Variants in SLC39A8 observed in about 807,000 individuals in gnomAD.
SLC39A8 encodes metal cation symporter ZIP8.
In SLC39A8, 15 loss-of-function variants were observed where a neutral mutation model predicts 40.4. That is an observed-to-expected ratio of 0.37 (90% CI 0.25 to 0.57). The LOEUF (loss-of-function observed/expected upper bound fraction) is 0.57. Ranked by LOEUF, SLC39A8 falls within the 20% of genes least tolerant of loss-of-function variation. The pLI is 0.75. For missense variants in SLC39A8, 472 were observed against 558.8 expected (o/e 0.84, Z 1.57); for synonymous variants, 223 against 221.6 (o/e 1.01, Z -0.06).
chr4:102,280,373 T>C (rs1185290164), intron 6 of SLC39A8, among the ~76,000 whole-genome samples: 1 of 152,176 alleles, frequency 6.6e-6, no homozygotes, highest in Non-Finnish European at 1.5e-5. Context: ...GGATTTGACA[T>C]ATCCAAAGTC....
At chr4:102,307,338 T>C in intron 4 of SLC39A8, 98 bp downstream of exon 4, 7 of 1,404,380 alleles carry the variant, frequency 5.0e-6, no homozygotes, top group Non-Finnish European at 6.9e-6. Context: ...AACTAGACCA[T>C]AAAACGCTGT....
chr4:102,304,476 A>T lies in SLC39A8; in HGVS notation c.681T>A (p.Gly227=). Reference sequence around the variant, plus strand: ...AGTTATCATTTCCAAAGTGGGTATGACCATTCTATATGGGAACAAAAACCA... The same window carrying T: ...AGTTATCATTTCCAAAGTGGGTATGTCCATTCTATATGGGAACAAAAACCA... ...KMLLKTYGQN[G]HTHFGNDNFG... Residue 227 remains glycine (G), a synonymous_variant, in exon 6 of 9, where the codon GGT becomes GGA. Coordinates refer to ENST00000356736, the MANE Select transcript of SLC39A8 (RefSeq NM_001135146.2). 1 of 1,610,136 alleles carries T rather than the reference A, an allele frequency of 6.2e-7. No homozygotes were observed. The highest frequency in any genetic ancestry group is 8.5e-7 in the Non-Finnish European group (1 of 1,177,612).
chr4:102,305,364 C>G (rs1734124746), intron 4 of SLC39A8, among the ~76,000 whole-genome samples: 1 of 151,892 alleles, frequency 6.6e-6, no homozygotes, highest in African/African-American at 2.4e-5. Context: ...TACAGTTTCC[C>G]ACCTATAACA....
downstream of SLC39A8, among the ~76,000 whole-genome samples, chr4:102,257,556 T>G (rs1021029290): frequency 1.3e-5 from 2 of 152,170 alleles, no homozygotes; most frequent in Admixed American, 1.3e-4. Context: ...CTCTCTTCAC[T>G]TCCTCCAGTC....
intron 2 of SLC39A8, among the ~76,000 whole-genome samples, chr4:102,342,272 C>T (rs1411419380): frequency 1.3e-5 from 2 of 152,156 alleles, no homozygotes; most frequent in East Asian, 1.9e-4. Flanking sequence ...AGACCGAGGC[C>T]GGCGGATCAC....
At chr4:102,311,864 T>C (rs1415851437) in intron 3 of SLC39A8, among the ~76,000 whole-genome samples, 2 of 152,224 alleles carry the variant, frequency 1.3e-5, no homozygotes, top group East Asian at 1.9e-4. Context: ...AGCTAAAGAC[T>C]TGACTCTTCA....
At chr4:102,323,626 G>A (rs1735058439) in intron 2 of SLC39A8, among the ~76,000 whole-genome samples, 1 of 152,204 alleles carries the variant, frequency 6.6e-6, no homozygotes, top group African/African-American at 2.4e-5. Flanking sequence ...CATAATATAT[G>A]CTTAACACGT....
At chr4:102,339,815 C>T (rs1383966910) in intron 2 of SLC39A8, among the ~76,000 whole-genome samples, 1 of 152,084 alleles carries the variant, frequency 6.6e-6, no homozygotes, top group African/African-American at 2.4e-5. Context: ...TTGACCCACT[C>T]CAATACATTC....
intron 6 of SLC39A8, among the ~76,000 whole-genome samples, chr4:102,273,196 C>T (rs1732449760): frequency 6.6e-6 from 1 of 152,196 alleles, no homozygotes; most frequent in African/African-American, 2.4e-5. Flanking sequence ...GACCCACTGG[C>T]TTGAAATTCT....
In SLC39A8 at chr4:102,344,587, C is replaced by G. The variant is rs569783464; in HGVS notation, c.76G>C (p.Gly26Arg). Residue 26 changes from glycine to arginine, a missense_variant, in exon 2 of 9, where the codon GGG becomes CGG. This residue lies in a region of SLC39A8 where 175 missense variants were observed against 160.5 expected (regional missense o/e 1.09). Coordinates refer to ENST00000356736, the MANE Select transcript of SLC39A8 (RefSeq NM_001135146.2). Reference sequence around the variant, plus strand: ...AGCACATCCTCGCTGAAGGCTAGCCCTGGCCCCTCCGCCACTCCTCCGAGG... The same window carrying G: ...AGCACATCCTCGCTGAAGGCTAGCCGTGGCCCCTCCGCCACTCCTCCGAGG... ...AGLGGVAEGPGLAFSEDVLSV... is the reference protein window; with the variant it reads ...AGLGGVAEGPRLAFSEDVLSV... 2.6e-6 allele frequency: 4 copies of G among 1,546,422 alleles called. No individual in the cohort carries two copies. In the South Asian group the frequency reaches 4.8e-5, roughly 19 times the overall value.
chr4:102,317,397 G>A (rs1353290498), intron 2 of SLC39A8, among the ~76,000 whole-genome samples: 1 of 151,986 alleles, frequency 6.6e-6, no homozygotes, highest in Non-Finnish European at 1.5e-5. Flanking sequence ...TCAACCCACT[G>A]TTTTGAGTTT....
At chr4:102,294,274 C>T (rs1233338012) in intron 6 of SLC39A8, among the ~76,000 whole-genome samples, 1 of 151,978 alleles carries the variant, frequency 6.6e-6, no homozygotes, top group Non-Finnish European at 1.5e-5. Flanking sequence ...TCTTCTCAAC[C>T]AGACCTTCGA....
intron 11 of SLC39A8, among the ~76,000 whole-genome samples, chr4:102,253,699 T>C (rs1372905295): frequency 1.3e-5 from 2 of 152,164 alleles, no homozygotes; most frequent in Non-Finnish European, 2.9e-5. Context: ...TGAGACAATA[T>C]TAACATTTTA....
intron 6 of SLC39A8, among the ~76,000 whole-genome samples, chr4:102,285,220 T>C (rs1480431706): frequency 3.3e-5 from 5 of 152,182 alleles, no homozygotes; most frequent in African/African-American, 4.8e-5. Context: ...TTTCTACTTA[T>C]TAGGATTCAA....
At chr4:102,283,607 G>C (rs937336047) in intron 6 of SLC39A8, among the ~76,000 whole-genome samples, 6 of 136,558 alleles carry the variant, frequency 4.4e-5, no homozygotes, top group African/African-American at 1.5e-4. Flanking sequence ...CCATCCTAGA[G>C]CTTTCAAATC....
chr4:102,276,007 G>T (rs1323135014), intron 6 of SLC39A8, among the ~76,000 whole-genome samples: 1 of 152,184 alleles, frequency 6.6e-6, no homozygotes, highest in Admixed American at 6.5e-5. Context: ...GAAACTTATA[G>T]CATTAAATAT....
chr4:102,300,110 A>AC (rs1187353786), intron 6 of SLC39A8, among the ~76,000 whole-genome samples: 1 of 151,780 alleles, frequency 6.6e-6, no homozygotes, highest in African/African-American at 2.4e-5. Context: ...CCCCTCTGTG[A>AC]CCCCCACTTT....
intron 2 of SLC39A8, among the ~76,000 whole-genome samples, chr4:102,319,228 T>C (rs573993466): frequency 6.6e-6 from 1 of 152,322 alleles, no homozygotes; most frequent in Non-Finnish European, 1.5e-5. Context: ...TTCCTAAACA[T>C]GTCCTTATGG....
At chr4:102,342,058 T>C (rs77636727) in intron 2 of SLC39A8, among the ~76,000 whole-genome samples, 2,475 of 152,236 alleles carry the variant, frequency 0.016, 71 homozygotes, top group African/African-American at 0.057. Context: ...ACCCTAAAAT[T>C]TTACTCCAGA....
Sources: gnomAD v4.1 joint callset for allele counts (sites outside exome capture counted in the v4.1 genomes callset) on GRCh38, gnomAD v4.1.1 for gene constraint, gnomAD v4.1.1 regional missense constraint, MANE v1.5 for transcripts, NCBI Gene and HGNC (gene_info 2026-07-23, HGNC 2026-07-21) for gene names.